The following ZC3H8 variants were observed in gnomAD, a reference collection of about 807,000 sequenced individuals.
ZC3H8 encodes zinc finger CCCH-type containing 8.
A neutral mutation model predicts 42.5 loss-of-function variants in ZC3H8; 27 were observed. The observed-to-expected ratio is 0.64, with a 90% CI of 0.47 to 0.88. ZC3H8 has a LOEUF of 0.88. Among genes scored for constraint, ZC3H8 ranks in the 40% least tolerant of loss-of-function variants. ZC3H8 has a pLI of 0.00. For missense variants in ZC3H8, 277 were observed against 336.1 expected (o/e 0.82, Z 1.37); for synonymous variants, 101 against 110.1 (o/e 0.92, Z 0.52).
In ZC3H8 at chr2:112,220,039, C is replaced by A. The variant is rs545331120; in HGVS notation, c.*16-3571G>T. Reference sequence around the variant, plus strand: ...CGTTCCTTTACTTTGAGCCTAAGGGCGTCATTGCATGTGAGATGATCCTCC... The same window carrying A: ...CGTTCCTTTACTTTGAGCCTAAGGGAGTCATTGCATGTGAGATGATCCTCC... On this transcript the variant is annotated intron_variant, in intron 8 of 8. Coordinates refer to ENST00000409573, the MANE Select transcript of ZC3H8 (RefSeq NM_032494.3). 9.6e-4 allele frequency among the ~76,000 whole-genome samples: 146 copies of A among 152,294 alleles called. 2 individuals carry two copies. The highest frequency in any genetic ancestry group is 3.3e-3 in the African/African-American group (139 of 41,570).
At chr2:112,226,858 A>G (rs542891175) in intron 8 of ZC3H8, among the ~76,000 whole-genome samples, 1 of 152,318 alleles carries the variant, frequency 6.6e-6, no homozygotes, top group East Asian at 1.9e-4. Flanking sequence ...TAAATTATAT[A>G]CAACATGACC....
chr2:112,232,006 T>C (rs867588649), intron 6 of ZC3H8, 59 bp from the exon 7 acceptor site: 4 of 1,040,172 alleles, frequency 3.8e-6, no homozygotes, highest in Middle Eastern at 5.2e-4. Flanking sequence ...TGTTATTAAC[T>C]TAATGACTTT....
chr2:112,243,023 T>A (rs1051694086), intron 2 of ZC3H8, among the ~76,000 whole-genome samples: 1 of 152,224 alleles, frequency 6.6e-6, no homozygotes, highest in South Asian at 2.1e-4. Context: ...CTCAAAGATA[T>A]GAGGAAACTG....
intron 4 of ZC3H8, among the ~76,000 whole-genome samples, chr2:112,235,019 T>C (rs1270764103): frequency 1.3e-5 from 2 of 151,870 alleles, no homozygotes; most frequent in African/African-American, 4.8e-5. Flanking sequence ...CCGTCAAAGA[T>C]GGTGATAAAG....
chr2:112,254,826 G>C, intron 1 of ZC3H8, 82 bp downstream of exon 1: 1 of 1,489,518 alleles, frequency 6.7e-7, no homozygotes, highest in South Asian at 1.2e-5. Context: ...CGTGGCCCCG[G>C]ACTGCCTCCA....
In ZC3H8 at chr2:112,217,922, G is replaced by GTGTTTT. The variant is rs376154053; in HGVS notation, c.*16-1460_*16-1455dup. On this transcript the variant is annotated intron_variant, in intron 8 of 8. Coordinates refer to ENST00000409573, the MANE Select transcript of ZC3H8 (RefSeq NM_032494.3). ...TGTTTGTATGTGTGTCTGGTTTCTTGTGTTTTTGTTTTTGTTTTTGTTTTT... is the reference window on the plus strand; with the variant it reads ...TGTTTGTATGTGTGTCTGGTTTCTTGTGTTTTTGTTTTTGTTTTTGTTTTTGTTTTT... Among the ~76,000 whole-genome samples, 95 of 152,144 alleles carry GTGTTTT rather than the reference G, an allele frequency of 6.2e-4. No homozygotes were observed. The East Asian group carries it at 6.6e-3, about 11-fold the overall frequency.
chr2:112,250,561 T>C (rs1685910479), intron 1 of ZC3H8, among the ~76,000 whole-genome samples: 1 of 152,208 alleles, frequency 6.6e-6, no homozygotes, highest in Non-Finnish European at 1.5e-5. Context: ...ATTCAACAAC[T>C]ACTAAGTACC....
intron 8 of ZC3H8, 51 bp downstream of exon 8, chr2:112,230,851 TC>T (rs1321511905): frequency 8.3e-7 from 1 of 1,207,700 alleles, no homozygotes. Context: ...CATGCCAACT[TC>T]TGGAGATGTT....
intron 8 of ZC3H8, among the ~76,000 whole-genome samples, chr2:112,221,125 C>T (rs754123320): frequency 2.6e-5 from 4 of 152,264 alleles, no homozygotes; most frequent in Non-Finnish European, 1.5e-5. Flanking sequence ...TACATAATTT[C>T]ATATTTCTCA....
chr2:112,231,519 A>C (rs1685088010), intron 7 of ZC3H8, among the ~76,000 whole-genome samples: 1 of 152,190 alleles, frequency 6.6e-6, no homozygotes. Flanking sequence ...TCCTTCCAAG[A>C]ATCTTTATAA....
At chr2:112,249,602 C>T (rs1402733395) in intron 2 of ZC3H8, among the ~76,000 whole-genome samples, 1 of 152,140 alleles carries the variant, frequency 6.6e-6, no homozygotes, top group Non-Finnish European at 1.5e-5. Context: ...TGCCACCATG[C>T]CTGGCTAAAT....
At chr2:112,232,625 G>A (rs1685146686) in intron 6 of ZC3H8, among the ~76,000 whole-genome samples, 1 of 152,058 alleles carries the variant, frequency 6.6e-6, no homozygotes, top group Non-Finnish European at 1.5e-5. Context: ...TACAAATCTG[G>A]ATCCTTTGTA....
intron 2 of ZC3H8, among the ~76,000 whole-genome samples, chr2:112,243,021 T>G (rs934533133): frequency 6.6e-6 from 1 of 152,222 alleles, no homozygotes; most frequent in Non-Finnish European, 1.5e-5. Context: ...TGCTCAAAGA[T>G]ATGAGGAAAC....
At chr2:112,235,736 C>G (rs1200445838) in intron 4 of ZC3H8, among the ~76,000 whole-genome samples, 2 of 151,954 alleles carry the variant, frequency 1.3e-5, no homozygotes, top group African/African-American at 4.8e-5. Flanking sequence ...AAACCAAAAT[C>G]AAAATACAGG....
At chr2:112,238,941 T>C (rs1685467180) in intron 2 of ZC3H8, among the ~76,000 whole-genome samples, 1 of 152,390 alleles carries the variant, frequency 6.6e-6, no homozygotes, top group Non-Finnish European at 1.5e-5. Context: ...TAATTTATCA[T>C]TTTGTAAAAC....
intron 1 of ZC3H8, 51 bp downstream of exon 1, chr2:112,254,857 C>T: frequency 6.3e-7 from 1 of 1,581,638 alleles, no homozygotes; most frequent in Middle Eastern, 1.9e-4. Flanking sequence ...AACTAAGAGG[C>T]GGAGTCCCGC....
At chr2:112,254,099 G>C in intron 1 of ZC3H8, 3 of 983,226 alleles carry the variant, frequency 3.1e-6, no homozygotes, top group Non-Finnish European at 3.6e-6. Flanking sequence ...TAAAGCACAA[G>C]GTAAAGCTCT....
chr2:112,224,816 A>T (rs1684744501), intron 8 of ZC3H8, among the ~76,000 whole-genome samples: 1 of 152,214 alleles, frequency 6.6e-6, no homozygotes, highest in East Asian at 1.9e-4. Context: ...AAGGTCTGAG[A>T]GAAGGAGAAG....
intron 8 of ZC3H8, 85 bp downstream of exon 8, chr2:112,230,818 A>G (rs1685054475): frequency 5.9e-6 from 5 of 843,994 alleles, no homozygotes; most frequent in Non-Finnish European, 8.2e-6. Context: ...AAATACTTCT[A>G]TTTGAGAACC....
Sources: allele counts gnomAD v4.1 joint callset (sites outside exome capture counted in the v4.1 genomes callset), GRCh38; gene constraint gnomAD v4.1.1; transcripts MANE v1.5; gene names NCBI Gene and HGNC (gene_info 2026-07-23, HGNC 2026-07-21).